The following SGCD variants were observed in gnomAD, a reference collection of about 807,000 sequenced individuals.
SGCD encodes the protein sarcoglycan delta, also known as delta-sarcoglycan.
Under a neutral mutation model 36.6 loss-of-function variants are expected in SGCD, and 18 were observed. The ratio of observed to expected loss-of-function variants is 0.49; its 90% CI spans 0.34 to 0.73. The LOEUF (loss-of-function observed/expected upper bound fraction) is 0.73. Ranked by LOEUF, SGCD falls within the 30% of genes least tolerant of loss-of-function variation. SGCD has a pLI of 0.01. For missense variants in SGCD, 387 were observed against 346.7 expected, an observed-to-expected ratio of 1.12 and a Z score of -0.92; for synonymous variants, 133 against 130.6, an observed-to-expected ratio of 1.02 and a Z score of -0.12.
At chr5:156,560,156 C>G (rs1158194454) in intron 4 of SGCD, among the ~76,000 whole-genome samples, 1 of 152,050 alleles carries the variant, frequency 6.6e-6, no homozygotes, top group Non-Finnish European at 1.5e-5. Flanking sequence ...TCTCAAATTA[C>G]AAAACAATTA....
intron 6 of SGCD, among the ~76,000 whole-genome samples, chr5:156,624,509 A>T (rs1002519771): frequency 5.9e-5 from 9 of 152,142 alleles, no homozygotes; most frequent in Admixed American, 3.9e-4. Context: ...CGAACCCAGG[A>T]GGCGGAGTTT....
intron 3 of SGCD, among the ~76,000 whole-genome samples, chr5:156,404,612 T>A (rs1311227003): frequency 1.3e-5 from 2 of 152,244 alleles, no homozygotes; most frequent in Admixed American, 6.5e-5. Flanking sequence ...AGCACCTGAC[T>A]GACCAGCTTC....
At chr5:156,657,817 C>T (rs1226137935) in intron 7 of SGCD, among the ~76,000 whole-genome samples, 1 of 138,262 alleles carries the variant, frequency 7.2e-6, no homozygotes, top group Admixed American at 7.3e-5. Context: ...AATAAGGGGA[C>T]CCGGGGAACC....
At chr5:156,743,694 A>G (rs1297781917) in intron 7 of SGCD, among the ~76,000 whole-genome samples, 2 of 152,230 alleles carry the variant, frequency 1.3e-5, no homozygotes, top group Admixed American at 6.5e-5. Flanking sequence ...TCTGAGAGAA[A>G]TAGTCTTCAA....
intron 7 of SGCD, among the ~76,000 whole-genome samples, chr5:156,732,562 T>G (rs1271940967): frequency 6.6e-6 from 1 of 152,164 alleles, no homozygotes; most frequent in African/African-American, 2.4e-5. Context: ...AAGGTTTCTG[T>G]TTTTTTCTAT....
chr5:156,081,737 G>A (rs1760958733), intron 1 of SGCD, among the ~76,000 whole-genome samples: 1 of 151,942 alleles, frequency 6.6e-6, no homozygotes, highest in Non-Finnish European at 1.5e-5. Flanking sequence ...TCTCTGTAAG[G>A]GCAAAGGGAA....
rs184978987 is a variant in SGCD at position 156,610,831 on chromosome 5, C to A, written c.502+15780C>A. Among the ~76,000 whole-genome samples the A allele has an allele frequency of 3.2e-3, 491 of 152,354 alleles. 8 individuals carry two copies. The highest frequency in any genetic ancestry group is 0.03 in the Admixed American group (455 of 15,308). On this transcript the variant is annotated intron_variant, in intron 6 of 8. Transcript: ENST00000337851. ...TGAGCAAGGCTCTGTGGGCGTAGGA[C>A]CCTCCAGGCCAGGCGCAGGATATAA... is the stretch of plus-strand genomic sequence containing the variant.
At chr5:156,613,297 T>C (rs1281254330) in intron 6 of SGCD, among the ~76,000 whole-genome samples, 1 of 152,232 alleles carries the variant, frequency 6.6e-6, no homozygotes, top group African/African-American at 2.4e-5. Context: ...AATCCTGAAA[T>C]TGTACACAGC....
In SGCD at chr5:156,056,645, TA is replaced by T. The variant is rs561328077; in HGVS notation, c.-281-61213del. Reference sequence around the variant, plus strand: ...GGTCCCCTACCTGCCAAATTATCCTTAAAAAAAAAAAAAAAAAAAACAGTCT... The same window carrying T: ...GGTCCCCTACCTGCCAAATTATCCTTAAAAAAAAAAAAAAAAAAACAGTCT... On this transcript the variant is annotated intron_variant, in intron 1 of 9. Transcript: ENST00000517913. Among the ~76,000 whole-genome samples, 302 of 68,268 alleles carry T rather than the reference TA, an allele frequency of 4.4e-3. 22 individuals are homozygous for T. In the East Asian group the frequency reaches 0.078, roughly 18 times the overall value. The allele number at this position is 68,268 out of a possible 152,430, so 44.8% of individuals were successfully genotyped here.
At chr5:155,741,538 G>A in the SGCD span, among the ~76,000 whole-genome samples, 1 of 151,972 alleles carries the variant, frequency 6.6e-6, no homozygotes, top group Non-Finnish European at 1.5e-5. Context: ...AATCTATTTG[G>A]TTACTCTTAA....
chr5:156,443,606 T>A (rs949692314), intron 3 of SGCD, among the ~76,000 whole-genome samples: 2 of 152,080 alleles, frequency 1.3e-5, no homozygotes, highest in Admixed American at 6.6e-5. Context: ...TGGGTGTAAT[T>A]AACACCCTCA....
chr5:156,090,939 A>G (rs1237157124), intron 1 of SGCD, among the ~76,000 whole-genome samples: 1 of 152,144 alleles, frequency 6.6e-6, no homozygotes, highest in Non-Finnish European at 1.5e-5. Flanking sequence ...GTCAGACCTT[A>G]TGGTTATTTT....
intron 6 of SGCD, among the ~76,000 whole-genome samples, chr5:156,612,638 G>A (rs890517116): frequency 6.6e-6 from 1 of 152,238 alleles, no homozygotes; most frequent in African/African-American, 2.4e-5. Flanking sequence ...CATCTCAGCT[G>A]TTCCACTGAG....
chr5:156,606,986 T>G (rs189354543), intron 6 of SGCD, among the ~76,000 whole-genome samples: 87 of 152,344 alleles, frequency 5.7e-4, no homozygotes, highest in African/African-American at 2.0e-3. Flanking sequence ...TCATGTCGTC[T>G]GCAAACAGGG....
rs1761076119 is a variant in SGCD, at chr5:156,599,386, A to C, written c.502+4335A>C. ...TTCCATTTGTATAGAAAAAGAAAAA[A>C]AAATGGAAGGAAGAATGAATGACTA... is the stretch of plus-strand genomic sequence containing the variant. On this transcript the variant is annotated intron_variant, in intron 6 of 8. Coordinates refer to ENST00000337851, the MANE Select transcript of SGCD (RefSeq NM_000337.6). Among the ~76,000 whole-genome samples the C allele has an allele frequency of 2.0e-5, 3 of 152,114 alleles. No individual in the cohort carries two copies. In the South Asian group the frequency reaches 6.2e-4, roughly 31 times the overall value.
chr5:155,826,358 A>G, the SGCD span, among the ~76,000 whole-genome samples: 1 of 152,144 alleles, frequency 6.6e-6, no homozygotes, highest in Non-Finnish European at 1.5e-5. Context: ...CTGCTTTTGA[A>G]TCTTCCTGTA....
chr5:156,549,353 T>C (rs991485085), intron 4 of SGCD, among the ~76,000 whole-genome samples: 1 of 152,184 alleles, frequency 6.6e-6, no homozygotes, highest in Admixed American at 6.5e-5. Flanking sequence ...TAGCCCTGGA[T>C]TGTATAAATC....
chr5:156,514,838 C>G (rs1006029648), intron 4 of SGCD, among the ~76,000 whole-genome samples: 3 of 152,154 alleles, frequency 2.0e-5, no homozygotes, highest in Non-Finnish European at 4.4e-5. Flanking sequence ...ATATTAACAC[C>G]TACATCATGT....
intron 6 of SGCD, among the ~76,000 whole-genome samples, chr5:156,608,746 T>G (rs980033459): frequency 1.3e-5 from 2 of 152,354 alleles, no homozygotes; most frequent in African/African-American, 4.8e-5. Context: ...GGTGCCTATA[T>G]ATTTAGGATA....
Sources: gnomAD v4.1 joint callset for allele counts (sites outside exome capture counted in the v4.1 genomes callset) on GRCh38, gnomAD v4.1.1 for gene constraint, MANE v1.5 for transcripts, NCBI Gene and HGNC (gene_info 2026-07-23, HGNC 2026-07-21) for gene names.